GARNL3: variants seen among roughly 807,000 people sequenced by gnomAD.
The protein encoded by GARNL3 is GTPase activating Rap/RanGAP domain like 3.
In GARNL3, 63 loss-of-function variants were observed where a neutral mutation model predicts 125.0. The observed-to-expected ratio is 0.50, with a 90% CI of 0.41 to 0.62. GARNL3 has a LOEUF of 0.62. GARNL3 is among the 20% of genes least tolerant of loss of function. GARNL3 has a pLI of 0.00. For missense variants in GARNL3, 994 were observed against 1,244.0 expected (o/e 0.80, Z 3.02); for synonymous variants, 439 against 457.5 (o/e 0.96, Z 0.52).
intron 14 of GARNL3, among the ~76,000 whole-genome samples, chr9:127,343,838 T>G (rs1829996511): frequency 6.6e-6 from 1 of 152,224 alleles, no homozygotes; most frequent in Non-Finnish European, 1.5e-5. Context: ...CCCACAAGGC[T>G]GCAGATTTGC....
intron 1 of GARNL3, among the ~76,000 whole-genome samples, chr9:127,229,012 C>T (rs1039748417): frequency 3.9e-5 from 6 of 151,960 alleles, no homozygotes; most frequent in African/African-American, 9.7e-5. Flanking sequence ...TAGTAGAGAC[C>T]GGGGTTTCAC....
Position 127,332,956 on chromosome 9 carries a change from G to C in GARNL3, c.671-67G>C, listed in dbSNP as rs1829344773. On this transcript the variant is annotated intron_variant, in intron 8 of 27. Coordinates refer to ENST00000373387, the MANE Select transcript of GARNL3 (RefSeq NM_032293.5). ...CCCAGTTAATTTTCCAGCGATTCCG[G>C]TCCATAGTTAGAAAATGAGGACTTG... is the stretch of plus-strand genomic sequence containing the variant. 3.7e-6 allele frequency: 4 copies of C among 1,093,876 alleles called. No individual in the cohort carries two copies. In the South Asian group the frequency reaches 3.7e-5, roughly 10 times the overall value. 67.8% of individuals were successfully genotyped at this position (1,093,876 alleles called of 1,614,324 possible).
chr9:127,326,752 A>G (rs1480491410), intron 7 of GARNL3, among the ~76,000 whole-genome samples: 2 of 152,134 alleles, frequency 1.3e-5, no homozygotes, highest in Admixed American at 1.3e-4. Context: ...GGAAGTAATT[A>G]GGTCATGAGG....
At chr9:127,383,345 G>T (rs3824415) in intron 22 of GARNL3, 93 bp from the exon 23 acceptor site, 1 of 721,362 alleles carries the variant, frequency 1.4e-6, no homozygotes, top group Non-Finnish European at 2.4e-6. Flanking sequence ...AGCAGATAGG[G>T]TACTATTCTT....
chr9:127,320,831 G>C, intron 6 of GARNL3, 53 bp downstream of exon 6: 2 of 1,197,978 alleles, frequency 1.7e-6, no homozygotes, highest in Non-Finnish European at 2.5e-6. Flanking sequence ...ACAGTGTTAG[G>C]ATAGAACTGA....
At chr9:127,225,306 G>C (rs1268451580) in intron 1 of GARNL3, 3 of 981,902 alleles carry the variant, frequency 3.1e-6, no homozygotes, top group Non-Finnish European at 3.6e-6. Context: ...GCCCCCGCCC[G>C]GGGCGATGGA....
At chr9:127,348,270 C>A (rs1166374579) in intron 16 of GARNL3, among the ~76,000 whole-genome samples, 1 of 152,218 alleles carries the variant, frequency 6.6e-6, no homozygotes, top group Non-Finnish European at 1.5e-5. Flanking sequence ...TCCACACATC[C>A]ACGTGTGGCT....
intron 22 of GARNL3, among the ~76,000 whole-genome samples, chr9:127,376,589 T>C (rs1382036597): frequency 1.3e-5 from 2 of 152,136 alleles, no homozygotes; most frequent in Non-Finnish European, 2.9e-5. Context: ...TTTCTTTCTT[T>C]CTTTCTTTCT....
intron 1 of GARNL3, among the ~76,000 whole-genome samples, chr9:127,237,145 G>C (rs2063126893): frequency 6.6e-6 from 1 of 152,196 alleles, no homozygotes; most frequent in Non-Finnish European, 1.5e-5. Context: ...CTGTTCTGCT[G>C]TCTTCAGGAA....
At chr9:127,237,906 C>T (rs1305322893) in intron 1 of GARNL3, among the ~76,000 whole-genome samples, 1 of 152,180 alleles carries the variant, frequency 6.6e-6, no homozygotes, top group Non-Finnish European at 1.5e-5. Flanking sequence ...AGATCAAGCC[C>T]GGGTTGATGT....
intron 7 of GARNL3, among the ~76,000 whole-genome samples, chr9:127,328,047 G>A (rs953294699): frequency 6.6e-6 from 1 of 152,144 alleles, no homozygotes; most frequent in Non-Finnish European, 1.5e-5. Context: ...AGAATGCACT[G>A]ATGGGAAATG....
chr9:127,237,116 C>T (rs746937148), intron 1 of GARNL3, among the ~76,000 whole-genome samples: 2 of 152,196 alleles, frequency 1.3e-5, no homozygotes, highest in Non-Finnish European at 2.9e-5. Flanking sequence ...CGACTGCTGT[C>T]TGAGCTCCCA....
At chr9:127,274,291 A>G in intron 1 of GARNL3, among the ~76,000 whole-genome samples, 1 of 152,180 alleles carries the variant, frequency 6.6e-6, no homozygotes, top group Non-Finnish European at 1.5e-5. Context: ...TTGAGCTCCG[A>G]GTGCTGTGTT....
At chr9:127,229,019 T>C (rs184024623) in intron 1 of GARNL3, among the ~76,000 whole-genome samples, 2 of 152,298 alleles carry the variant, frequency 1.3e-5, no homozygotes, top group East Asian at 3.9e-4. Context: ...GACCGGGGTT[T>C]CACCATGATG....
chr9:127,360,782 T>C (rs1830955579), intron 21 of GARNL3, among the ~76,000 whole-genome samples: 1 of 152,206 alleles, frequency 6.6e-6, no homozygotes, highest in African/African-American at 2.4e-5. Context: ...ATTCCTCCTC[T>C]CTTAGCCAGG....
chr9:127,372,093 C>T (rs995705275), intron 22 of GARNL3, among the ~76,000 whole-genome samples: 1 of 152,124 alleles, frequency 6.6e-6, no homozygotes, highest in African/African-American at 2.4e-5. Context: ...CCACCATGCC[C>T]GGCTAACCAA....
chr9:127,248,596 CTTTTTTTTTTTTTT>C (rs745331884), intron 2 of GARNL3, among the ~76,000 whole-genome samples: 1 of 74,590 alleles, frequency 1.3e-5, no homozygotes, highest in Non-Finnish European at 2.4e-5. Context: ...TTTTTCTTTT[CTTTTTTTTTTTTTT>C]TTTTTTTTTT....
intron 7 of GARNL3, among the ~76,000 whole-genome samples, chr9:127,325,487 A>T (rs2065541623): frequency 6.6e-6 from 1 of 152,174 alleles, no homozygotes; most frequent in Non-Finnish European, 1.5e-5. Flanking sequence ...TTAAAAATAT[A>T]AATATATTGG....
Position 127,357,275 on chromosome 9 carries a change from A to G in GARNL3, c.1992A>G (p.Glu664=), listed in dbSNP as rs912662402. 5.6e-6 allele frequency: 9 copies of G among 1,614,100 alleles called. No homozygotes were observed. Among genetic ancestry groups the G allele is most frequent in the Non-Finnish European group, 7.6e-6 (9 of 1,180,026 alleles). Reference sequence around the variant, plus strand: ...TGACCTTAGTGGATGGGCCAGCTGAAGAGAGTGACAATCTCATCTGTGTGG... The same window carrying G: ...TGACCTTAGTGGATGGGCCAGCTGAGGAGAGTGACAATCTCATCTGTGTGG... ...MVMTLVDGPA[E]ESDNLICVAY... Residue 664 remains glutamate (E), a synonymous_variant, in exon 21 of 28, where the codon GAA becomes GAG. Coordinates refer to ENST00000373387, the MANE Select transcript of GARNL3 (RefSeq NM_032293.5).
Sources: allele counts gnomAD v4.1 joint callset (sites outside exome capture counted in the v4.1 genomes callset), GRCh38; gene constraint gnomAD v4.1.1; transcripts MANE v1.5; gene names NCBI Gene and HGNC (gene_info 2026-07-23, HGNC 2026-07-21).